Variants in ZNF730 observed in about 807,000 individuals in gnomAD.
The protein encoded by ZNF730 is zinc finger protein 730.
ZNF730 carries 12 observed loss-of-function variants against 12.6 expected under a neutral mutation model. The ratio of observed to expected loss-of-function variants is 0.95; its 90% CI spans 0.61 to 1.54. The LOEUF (loss-of-function observed/expected upper bound fraction) is 1.54. Among genes scored for constraint, ZNF730 ranks in the 40% most tolerant of loss-of-function variants. The probability of loss-of-function intolerance (pLI) is 0.00; values close to 1 mark genes in which losing one functional copy is unlikely to be tolerated. For missense variants in ZNF730, 643 were observed against 583.5 expected (o/e 1.10, Z -1.05); for synonymous variants, 194 against 195.8 (o/e 0.99, Z 0.08).
Position 23,145,983 on chromosome 19 carries a change from A to G in ZNF730, c.939A>G (p.Lys313=). ...TTCATACTAAAGAGCAACCATACAA[A>G]TGCGAAAAATGTGGCAAAGCTTTTA... ...KKIHTKEQPY[K]CEKCGKAFKW... Residue 313 remains lysine, a synonymous_variant, in exon 4 of 4, where the codon AAA becomes AAG. Coordinates refer to ENST00000597761, the MANE Select transcript of ZNF730 (RefSeq NM_001277403.2). 6.2e-7 allele frequency: 1 copy of G among 1,606,606 alleles called. No individual in the cohort carries two copies. The highest frequency in any genetic ancestry group is 8.5e-7 in the Non-Finnish European group (1 of 1,177,840).
chr19:23,094,902 C>T (rs1970223839), intron 1 of ZNF730: 1 of 153,118 alleles, frequency 6.5e-6, no homozygotes, highest in Non-Finnish European at 1.5e-5. Context: ...TCGTATCAAA[C>T]TCCTTGGCTC....
intron 3 of ZNF730, among the ~76,000 whole-genome samples, chr19:23,138,530 T>C (rs899180451): frequency 2.0e-5 from 3 of 152,172 alleles, no homozygotes; most frequent in African/African-American, 4.8e-5. Context: ...AGACTTTGGC[T>C]GGGAAGAGTT....
chr19:23,094,217 T>C (rs1001043955), intron 1 of ZNF730, among the ~76,000 whole-genome samples: 1 of 152,124 alleles, frequency 6.6e-6, no homozygotes, highest in African/African-American at 2.4e-5. Context: ...GTTTTTTTTT[T>C]CTTTCTTTTC....
At chr19:23,127,127 C>G (rs757679054) in intron 1 of ZNF730, 2 of 509,440 alleles carry the variant, frequency 3.9e-6, no homozygotes, top group Non-Finnish European at 7.7e-6. Context: ...GCATCCTTAT[C>G]TCGGTTATGA....
At chr19:23,131,054 A>G (rs1280343895) in intron 1 of ZNF730, among the ~76,000 whole-genome samples, 5 of 152,182 alleles carry the variant, frequency 3.3e-5, no homozygotes, top group East Asian at 1.9e-4. Flanking sequence ...GGGTCTTTTT[A>G]AAATTATTAA....
chr19:23,094,916 C>T (rs1405881643), intron 1 of ZNF730: 1 of 153,512 alleles, frequency 6.5e-6, no homozygotes, highest in Non-Finnish European at 1.4e-5. Flanking sequence ...TTGGCTCCAT[C>T]TATCCTCCCG....
intron 1 of ZNF730, among the ~76,000 whole-genome samples, chr19:23,119,692 C>T (rs1970575186): frequency 2.6e-5 from 4 of 152,068 alleles, no homozygotes; most frequent in Admixed American, 2.6e-4. Context: ...TGGTGCACAC[C>T]TGTAATCCCA....
chr19:23,087,491 G>T (rs9676943), intron 1 of ZNF730, among the ~76,000 whole-genome samples: 45,613 of 151,944 alleles, frequency 0.3, 7,702 homozygotes, highest in African/African-American at 0.46. Flanking sequence ...TTGTTTATCA[G>T]CTTAAGGAGC....
intron 3 of ZNF730, among the ~76,000 whole-genome samples, chr19:23,141,054 A>C (rs1478056129): frequency 1.3e-5 from 2 of 152,016 alleles, no homozygotes; most frequent in East Asian, 3.9e-4. Context: ...CTTGAGCCCC[A>C]AAATTTGAGA....
At chr19:23,142,120 GAATA>G (rs1444191380) in intron 3 of ZNF730, among the ~76,000 whole-genome samples, 9 of 152,084 alleles carry the variant, frequency 5.9e-5, no homozygotes, top group Admixed American at 3.9e-4. Context: ...GGTTCCCAGT[GAATA>G]AATCTATAAT....
chr19:23,075,730 C>A (rs1187475464), intron 1 of ZNF730, among the ~76,000 whole-genome samples: 1 of 152,050 alleles, frequency 6.6e-6, no homozygotes, highest in Non-Finnish European at 1.5e-5. Flanking sequence ...GGTTCCCAAG[C>A]TTTCCTGTTA....
chr19:23,094,312 G>A (rs755362038), intron 1 of ZNF730, among the ~76,000 whole-genome samples: 1 of 147,792 alleles, frequency 6.8e-6, no homozygotes, highest in Non-Finnish European at 1.5e-5. Context: ...TCAGGCTTTG[G>A]CTCCCAAAGT....
Position 23,145,567 on chromosome 19 carries a change from T to A in ZNF730, c.523T>A (p.Cys175Ser). 1.9e-6 allele frequency: 3 copies of A among 1,545,890 alleles called. No homozygotes were observed. ...ACATACTTCGAAGAAACCTTTCAAA[T>A]GTAAAGAATGTGGAAAATTATTTTG... ...IRHTSKKPFKCKECGKLFCIL... is the reference protein window; with the variant it reads ...IRHTSKKPFKSKECGKLFCIL... Residue 175 changes from cysteine (C) to serine (S), a missense_variant, in exon 4 of 4, where the codon TGT (cysteine) becomes AGT (serine). Coordinates refer to ENST00000597761, the MANE Select transcript of ZNF730 (RefSeq NM_001277403.2).
chr19:23,080,333 G>A lies in ZNF730; in HGVS notation c.-94+4946G>A, dbSNP rs572611362. On this transcript the variant is annotated intron_variant, in intron 1 of 2. Coordinates refer to the ZNF730 transcript ENST00000593635. Reference sequence around the variant, plus strand: ...GTTCCATGTTTTGCCTTGACTATGGGATATTTTGAATCCACTGATTTAGTG... The same window carrying A: ...GTTCCATGTTTTGCCTTGACTATGGAATATTTTGAATCCACTGATTTAGTG... 6.6e-5 allele frequency among the ~76,000 whole-genome samples: 10 copies of A among 151,864 alleles called. No individual in the cohort carries two copies. In the South Asian group the frequency reaches 2.1e-3, roughly 32 times the overall value.
At chr19:23,088,666 T>G (rs2145477487) in intron 1 of ZNF730, among the ~76,000 whole-genome samples, 1 of 151,944 alleles carries the variant, frequency 6.6e-6, no homozygotes, top group African/African-American at 2.4e-5. Flanking sequence ...GTTTTCACCA[T>G]GTTGGCCAGG....
upstream of ZNF730, among the ~76,000 whole-genome samples, chr19:23,112,680 G>A (rs936704277): frequency 4.0e-5 from 6 of 151,366 alleles, no homozygotes; most frequent in African/African-American, 1.2e-4. Flanking sequence ...CTGAAATCGC[G>A]CCACTACCCT....
intron 1 of ZNF730, 22 bp from the exon 2 acceptor site, chr19:23,134,058 T>C (rs774896882): frequency 1.2e-6 from 2 of 1,611,438 alleles, no homozygotes; most frequent in Middle Eastern, 1.7e-4. Flanking sequence ...GGTAAATATG[T>C]GTGTTTGTTT....
chr19:23,100,630 C>CTT (rs201462781), intron 1 of ZNF730, among the ~76,000 whole-genome samples: 5 of 118,554 alleles, frequency 4.2e-5, no homozygotes, highest in African/African-American at 2.0e-4. Context: ...GATGGTGATT[C>CTT]TTTTTTTTTT....
intron 3 of ZNF730, among the ~76,000 whole-genome samples, chr19:23,139,727 G>C (rs986284268): frequency 6.6e-6 from 1 of 152,060 alleles, no homozygotes. Flanking sequence ...GTTTCACCTT[G>C]TTGGTCAGGC....
Sources: gnomAD v4.1 joint callset for allele counts (sites outside exome capture counted in the v4.1 genomes callset) on GRCh38, gnomAD v4.1.1 for gene constraint, MANE v1.5 for transcripts, NCBI Gene and HGNC (gene_info 2026-07-23, HGNC 2026-07-21) for gene names.